Variants in TNFSF4 observed in about 807,000 individuals in gnomAD.
The protein encoded by TNFSF4 is tumor necrosis factor ligand superfamily member 4.
In TNFSF4, 4 loss-of-function variants were observed where a neutral mutation model predicts 7.3. That is an observed-to-expected ratio of 0.55 (90% CI 0.27 to 1.25). TNFSF4 has a LOEUF of 1.25. TNFSF4 is among the 50% of genes most tolerant of loss of function. TNFSF4 has a pLI of 0.12. For missense variants in TNFSF4, 181 were observed against 208.8 expected, an observed-to-expected ratio of 0.87 and a Z score of 0.82; for synonymous variants, 76 against 83.7, an observed-to-expected ratio of 0.91 and a Z score of 0.50.
At chr1:173,251,486 G>C in the TNFSF4 span, among the ~76,000 whole-genome samples, 1 of 152,208 alleles carries the variant, frequency 6.6e-6, no homozygotes, top group Non-Finnish European at 1.5e-5. Context: ...TTGGTGAATA[G>C]ATGAGGCAAT....
chr1:173,186,547 T>A lies in TNFSF4; in HGVS notation c.521A>T (p.His174Leu). Residue 174 changes from histidine to leucine, a missense_variant, in exon 3 of 3, where the codon CAT becomes CTT. Transcript: ENST00000281834. The part of the protein sequence containing the change: ...HVNGGELILI[H>L]QNPGEFCVL ...GACACAGAATTCACCAGGATTTTGA[T>A]GGATAAGAATCAGTTCTCCGCCATT... 8 of 1,613,626 alleles carry A rather than the reference T, an allele frequency of 5.0e-6. No individual in the cohort carries two copies. The highest frequency in any genetic ancestry group is 6.8e-6 in the Non-Finnish European group (8 of 1,179,678).
chr1:173,176,437 T>A, the TNFSF4 span, among the ~76,000 whole-genome samples: 11 of 151,932 alleles, frequency 7.2e-5, no homozygotes, highest in African/African-American at 2.7e-4. Flanking sequence ...CTCACACGAG[T>A]CAGAATGGCT....
the TNFSF4 span, among the ~76,000 whole-genome samples, chr1:173,228,982 T>A: frequency 1.3e-5 from 2 of 152,078 alleles, no homozygotes; most frequent in Non-Finnish European, 2.9e-5. Context: ...ACGGGGAGAA[T>A]GGAACCAAGT....
At chr1:173,173,848 T>C in the TNFSF4 span, among the ~76,000 whole-genome samples, 1 of 152,152 alleles carries the variant, frequency 6.6e-6, no homozygotes, top group East Asian at 1.9e-4. Context: ...GAGCCTGTGA[T>C]GGGAGGGGCT....
chr1:173,269,596 T>C, the TNFSF4 span, among the ~76,000 whole-genome samples: 3 of 152,104 alleles, frequency 2.0e-5, no homozygotes, highest in Admixed American at 1.3e-4. Flanking sequence ...CGGATGGCTA[T>C]GAAGTGACTA....
chr1:173,209,986 C>T (rs1017134460), upstream of TNFSF4, among the ~76,000 whole-genome samples: 1 of 151,842 alleles, frequency 6.6e-6, no homozygotes, highest in African/African-American at 2.4e-5. Flanking sequence ...AGGGCTTTGA[C>T]CACTCACAAG....
chr1:173,246,270 T>A, the TNFSF4 span, among the ~76,000 whole-genome samples: 1 of 152,156 alleles, frequency 6.6e-6, no homozygotes, highest in African/African-American at 2.4e-5. Context: ...AAGCCCCATA[T>A]GCATTAGGTA....
chr1:173,210,568 G>C (rs16845613), upstream of TNFSF4, among the ~76,000 whole-genome samples: 2,963 of 152,284 alleles, frequency 0.019, 96 homozygotes, highest in African/African-American at 0.068. Flanking sequence ...TTTGTTACAA[G>C]TTAAGGACTT....
the TNFSF4 span, among the ~76,000 whole-genome samples, chr1:173,401,488 A>C: frequency 5.9e-5 from 9 of 152,216 alleles, no homozygotes; most frequent in Non-Finnish European, 1.2e-4. Flanking sequence ...GATATCACCC[A>C]GTCTGTTGAG....
the TNFSF4 span, among the ~76,000 whole-genome samples, chr1:173,445,124 C>T: frequency 6.6e-6 from 1 of 152,092 alleles, no homozygotes; most frequent in Non-Finnish European, 1.5e-5. Context: ...AAAGTACAGT[C>T]AAGAGTGAAT....
chr1:173,337,217 T>C, the TNFSF4 span, among the ~76,000 whole-genome samples: 5 of 152,228 alleles, frequency 3.3e-5, no homozygotes, highest in South Asian at 6.2e-4. Context: ...ACAGATAACT[T>C]CTCTTATTGA....
chr1:173,375,201 A>G, the TNFSF4 span, among the ~76,000 whole-genome samples: 1 of 152,184 alleles, frequency 6.6e-6, no homozygotes, highest in South Asian at 2.1e-4. Flanking sequence ...CCATCAAGCT[A>G]CAGATGGTCT....
At chr1:173,389,281 T>C in the TNFSF4 span, among the ~76,000 whole-genome samples, 2 of 152,192 alleles carry the variant, frequency 1.3e-5, no homozygotes, top group African/African-American at 4.8e-5. Context: ...GAGAAATCAA[T>C]ATCATGTCTA....
chr1:173,178,553 G>A, the TNFSF4 span, among the ~76,000 whole-genome samples: 5 of 152,216 alleles, frequency 3.3e-5, no homozygotes, highest in East Asian at 5.8e-4. Flanking sequence ...CAGCCTGGGC[G>A]ACAGAGACAG....
chr1:173,366,359 G>T, the TNFSF4 span, among the ~76,000 whole-genome samples: 2 of 152,136 alleles, frequency 1.3e-5, no homozygotes, highest in Non-Finnish European at 2.9e-5. Context: ...AATAAGCCAG[G>T]CACAGAAAGA....
the TNFSF4 span, among the ~76,000 whole-genome samples, chr1:173,374,600 A>G: frequency 6.6e-6 from 1 of 152,306 alleles, no homozygotes; most frequent in African/African-American, 2.4e-5. Context: ...AGACTCCTAC[A>G]GCTGATTCTG....
At chr1:173,260,203 A>G in the TNFSF4 span, among the ~76,000 whole-genome samples, 1 of 150,812 alleles carries the variant, frequency 6.6e-6, no homozygotes, top group Admixed American at 6.6e-5. Flanking sequence ...TATTAAAGAA[A>G]AGAAATTCCA....
chr1:173,318,149 A>C, the TNFSF4 span, among the ~76,000 whole-genome samples: 1 of 152,190 alleles, frequency 6.6e-6, no homozygotes, highest in Non-Finnish European at 1.5e-5. Flanking sequence ...AAATGTTTAA[A>C]GAATCAGCCG....
chr1:173,286,835 G>A, the TNFSF4 span, among the ~76,000 whole-genome samples: 2 of 151,734 alleles, frequency 1.3e-5, no homozygotes, highest in African/African-American at 4.8e-5. Flanking sequence ...GTTTCCATAC[G>A]TACATCTAAC....
Sources: gnomAD v4.1 joint callset for allele counts (sites outside exome capture counted in the v4.1 genomes callset) on GRCh38, gnomAD v4.1.1 for gene constraint, MANE v1.5 for transcripts, NCBI Gene and HGNC (gene_info 2026-07-23, HGNC 2026-07-21) for gene names.